COX10: variants seen among roughly 807,000 people sequenced by gnomAD.
COX10 encodes the protein cytochrome c oxidase assembly factor heme A:farnesyltransferase COX10.
A neutral mutation model predicts 37.3 loss-of-function variants in COX10; 27 were observed. That is an observed-to-expected ratio of 0.72 (90% CI 0.53 to 1.00). The LOEUF (loss-of-function observed/expected upper bound fraction) is 1.00. COX10 is among the 50% of genes least tolerant of loss of function. COX10 has a pLI of 0.00. For synonymous variants in COX10, 222 were observed against 229.1 expected, an observed-to-expected ratio of 0.97 and a Z score of 0.28; for missense variants, 475 against 563.2, an observed-to-expected ratio of 0.84 and a Z score of 1.59.
intron 5 of COX10, among the ~76,000 whole-genome samples, chr17:14,172,396 C>T (rs1429018209): frequency 6.6e-6 from 1 of 151,972 alleles, no homozygotes; most frequent in East Asian, 1.9e-4. Flanking sequence ...TAAGAGTTCC[C>T]TTTTCTCTGC....
chr17:14,165,821 T>C (rs1905268761), intron 5 of COX10, among the ~76,000 whole-genome samples: 1 of 152,202 alleles, frequency 6.6e-6, no homozygotes, highest in South Asian at 2.1e-4. Flanking sequence ...AATACACAAA[T>C]GATAAGAAAG....
chr17:14,176,037 C>G (rs1905677971), intron 5 of COX10, among the ~76,000 whole-genome samples: 1 of 152,136 alleles, frequency 6.6e-6, no homozygotes, highest in African/African-American at 2.4e-5. Context: ...AAAAGAACCC[C>G]TCAGCTGCCT....
intron 6 of COX10, among the ~76,000 whole-genome samples, chr17:14,197,318 A>G (rs1484062531): frequency 2.6e-5 from 4 of 152,156 alleles, no homozygotes; most frequent in Non-Finnish European, 5.9e-5. Flanking sequence ...CTACAGGGCC[A>G]GATTAAGAAT....
chr17:14,100,777 A>C (rs138855790), intron 3 of COX10, among the ~76,000 whole-genome samples: 1,826 of 152,218 alleles, frequency 0.012, 18 homozygotes, highest in South Asian at 0.022. Flanking sequence ...TAAAAACATC[A>C]CTCTGAAGAG....
At chr17:14,188,083 A>T (rs1451466171) in intron 5 of COX10, among the ~76,000 whole-genome samples, 1 of 147,930 alleles carries the variant, frequency 6.8e-6, no homozygotes, top group African/African-American at 2.5e-5. Flanking sequence ...TTGAAGAAGG[A>T]GTAAACAACC....
rs569540518 is a variant in COX10 at position 14,127,195 on chromosome 17, T to C, written c.624+24953T>C. On this transcript the variant is annotated intron_variant, in intron 4 of 6. Coordinates refer to ENST00000261643, the MANE Select transcript of COX10 (RefSeq NM_001303.4). Reference sequence around the variant, plus strand: ...TGTTTTAACTATTTGCTGTCTTCACTAAACCAACCTTTCTACTGTAGATGT... The same window carrying C: ...TGTTTTAACTATTTGCTGTCTTCACCAAACCAACCTTTCTACTGTAGATGT... 2.6e-5 allele frequency among the ~76,000 whole-genome samples: 4 copies of C among 152,306 alleles called. No individual in the cohort carries two copies. In the South Asian group the frequency reaches 8.3e-4, roughly 32 times the overall value.
chr17:14,164,702 G>T (rs557966805), intron 5 of COX10, among the ~76,000 whole-genome samples: 1 of 152,152 alleles, frequency 6.6e-6, no homozygotes, highest in African/African-American at 2.4e-5. Flanking sequence ...ATAGATCCCC[G>T]TGAGAACCGT....
At chr17:14,101,941 G>A (rs775517639) in intron 3 of COX10, among the ~76,000 whole-genome samples, 177 bp from the exon 4 acceptor site, 3 of 152,126 alleles carry the variant, frequency 2.0e-5, no homozygotes, top group Non-Finnish European at 2.9e-5. Flanking sequence ...ATTAGTACAT[G>A]TAGTTTTTAT....
intron 4 of COX10, among the ~76,000 whole-genome samples, chr17:14,136,052 A>G (rs1178276110): frequency 6.6e-6 from 1 of 152,026 alleles, no homozygotes; most frequent in African/African-American, 2.4e-5. Flanking sequence ...ATTGGCATCA[A>G]ACAAAACAAA....
intron 4 of COX10, 128 bp downstream of exon 4, chr17:14,102,370 A>C: frequency 7.2e-7 from 1 of 1,380,484 alleles, no homozygotes; most frequent in Non-Finnish European, 1.0e-6. Context: ...TATATATCCT[A>C]TAGGAGCCTG....
At chr17:14,101,356 C>A (rs1915776852) in intron 3 of COX10, among the ~76,000 whole-genome samples, 1 of 152,180 alleles carries the variant, frequency 6.6e-6, no homozygotes, top group Admixed American at 6.5e-5. Flanking sequence ...TAAATGTCAT[C>A]TTCTTGAAGC....
chr17:14,114,402 A>G (rs1916066750), intron 4 of COX10, among the ~76,000 whole-genome samples: 1 of 152,128 alleles, frequency 6.6e-6, no homozygotes, highest in Non-Finnish European at 1.5e-5. Context: ...CCTTATTTTT[A>G]TCATCATTTC....
intron 5 of COX10, among the ~76,000 whole-genome samples, chr17:14,167,326 C>T (rs1905320588): frequency 6.6e-6 from 1 of 152,194 alleles, no homozygotes; most frequent in African/African-American, 2.4e-5. Flanking sequence ...GACGAAGATG[C>T]TGTGAACATT....
chr17:14,203,081 GAT>G (rs1350631523), intron 6 of COX10, among the ~76,000 whole-genome samples: 1 of 152,116 alleles, frequency 6.6e-6, no homozygotes, highest in Non-Finnish European at 1.5e-5. Context: ...AGCAGGACTT[GAT>G]TGCCACTGCC....
intron 4 of COX10, among the ~76,000 whole-genome samples, chr17:14,107,203 C>T (rs1915912712): frequency 6.9e-6 from 1 of 144,402 alleles, no homozygotes; most frequent in South Asian, 2.3e-4. Flanking sequence ...GGAACCACTG[C>T]TTTAACAATT....
chr17:14,152,214 T>C (rs1469067389), intron 4 of COX10, among the ~76,000 whole-genome samples: 3 of 152,176 alleles, frequency 2.0e-5, no homozygotes, highest in African/African-American at 4.8e-5. Context: ...TAACCCGCGA[T>C]TGGGCAATTT....
intron 4 of COX10, among the ~76,000 whole-genome samples, chr17:14,128,959 G>T (rs1363984248): frequency 6.6e-6 from 1 of 152,184 alleles, no homozygotes; most frequent in Admixed American, 6.5e-5. Context: ...TGATTCTCAT[G>T]CCTCAGCCCC....
At chr17:14,088,756 G>A (rs1597495894) in intron 3 of COX10, among the ~76,000 whole-genome samples, 1 of 152,188 alleles carries the variant, frequency 6.6e-6, no homozygotes. Context: ...GAGGTTAGGA[G>A]TCTGTAGATG....
At chr17:14,145,868 T>C (rs1904697618) in intron 4 of COX10, among the ~76,000 whole-genome samples, 1 of 152,136 alleles carries the variant, frequency 6.6e-6, no homozygotes, top group African/African-American at 2.4e-5. Flanking sequence ...AAAATGGGTG[T>C]ATTTGAGAAA....
Sources: allele counts gnomAD v4.1 joint callset (sites outside exome capture counted in the v4.1 genomes callset), GRCh38; gene constraint gnomAD v4.1.1; transcripts MANE v1.5; gene names NCBI Gene and HGNC (gene_info 2026-07-23, HGNC 2026-07-21).